Variants in ARHGEF26 observed in about 807,000 individuals in gnomAD.
ARHGEF26 encodes the protein Rho guanine nucleotide exchange factor (GEF) 26.
In ARHGEF26, 59 loss-of-function variants were observed where a neutral mutation model predicts 89.4. The ratio of observed to expected loss-of-function variants is 0.66; its 90% CI spans 0.54 to 0.82. ARHGEF26 has a LOEUF of 0.82. ARHGEF26 is among the 40% of genes least tolerant of loss of function. ARHGEF26 has a pLI of 0.00. For missense variants in ARHGEF26, 1,234 were observed against 1,085.6 expected, an observed-to-expected ratio of 1.14 and a Z score of -1.92; for synonymous variants, 500 against 428.4, an observed-to-expected ratio of 1.17 and a Z score of -2.06.
At chr3:154,222,052 A>G (rs551445961) in intron 10 of ARHGEF26, among the ~76,000 whole-genome samples, 1 of 152,328 alleles carries the variant, frequency 6.6e-6, no homozygotes, top group South Asian at 2.1e-4. Context: ...CTTATTATTA[A>G]CTTCACTTTA....
chr3:154,212,842 A>C (rs1337238035), intron 9 of ARHGEF26, among the ~76,000 whole-genome samples: 3 of 151,784 alleles, frequency 2.0e-5, no homozygotes, highest in African/African-American at 7.3e-5. Flanking sequence ...TGGATTCCTA[A>C]CCAATCCATG....
rs187168939 is a variant in ARHGEF26 at position 154,250,942 on chromosome 3, T to C, written c.2301-2174T>C. Among the ~76,000 whole-genome samples, 505 of 147,236 alleles carry C rather than the reference T, an allele frequency of 3.4e-3. 3 individuals are homozygous for C. Among genetic ancestry groups the C allele is most frequent in the African/African-American group, 9.7e-3 (378 of 38,970 alleles). ...TTGCTTATTTCTTACAGAACTATTGTAAAGCCCTTTGTCCTGTATTAGAGA... is the reference window on the plus strand; with the variant it reads ...TTGCTTATTTCTTACAGAACTATTGCAAAGCCCTTTGTCCTGTATTAGAGA... On this transcript the variant is annotated intron_variant, in intron 12 of 14. Transcript: ENST00000465093.
intron 6 of ARHGEF26, among the ~76,000 whole-genome samples, chr3:154,172,123 T>G (rs1029492379): frequency 6.6e-5 from 10 of 152,216 alleles, no homozygotes; most frequent in African/African-American, 2.4e-4. Flanking sequence ...AAGAAGCAGG[T>G]GCGACCGGCT....
chr3:154,152,769 C>T lies in ARHGEF26; in HGVS notation c.1327-3C>T, dbSNP rs1720097124. ...TAATACATTTCTTTTTCCTTCTTAC[C>T]AGGCTATCTTTGAAGTCATATCCTC... On this transcript the variant is annotated splice_region_variant and splice_polypyrimidine_tract_variant and intron_variant, in intron 5 of 14. Transcript: ENST00000465093. The T allele has an allele frequency of 3.4e-6, 5 of 1,458,062 alleles. No individual in the cohort carries two copies. Among genetic ancestry groups the T allele is most frequent in the African/African-American group, 2.9e-5 (2 of 69,282 alleles). The allele number at this position is 1,458,062 out of a possible 1,614,324, so 90.3% of individuals were successfully genotyped here. A position where few individuals can be genotyped will look rare whatever the true frequency, so the allele number is the denominator to read the frequency against.
intron 11 of ARHGEF26, among the ~76,000 whole-genome samples, chr3:154,238,971 T>G (rs1161819929): frequency 6.6e-6 from 1 of 152,004 alleles, no homozygotes; most frequent in Non-Finnish European, 1.5e-5. Context: ...ACTGGTGAGT[T>G]AAATAATGGT....
At chr3:154,183,124 C>T (rs1379958976) in intron 6 of ARHGEF26, among the ~76,000 whole-genome samples, 1 of 152,164 alleles carries the variant, frequency 6.6e-6, no homozygotes, top group African/African-American at 2.4e-5. Context: ...CCTTGGCAGA[C>T]TACAATCATT....
At chr3:154,135,360 G>T (rs547187455) in intron 4 of ARHGEF26, among the ~76,000 whole-genome samples, 2 of 152,114 alleles carry the variant, frequency 1.3e-5, no homozygotes, top group East Asian at 3.9e-4. Flanking sequence ...TACTTTATGT[G>T]CCTAGAGGTA....
intron 11 of ARHGEF26, among the ~76,000 whole-genome samples, chr3:154,229,802 T>C (rs1716724025): frequency 6.6e-6 from 1 of 152,158 alleles, no homozygotes; most frequent in South Asian, 2.1e-4. Context: ...CTAAACTAGC[T>C]TTGCCTTTGG....
chr3:154,239,371 G>C (rs966881581), intron 11 of ARHGEF26, among the ~76,000 whole-genome samples: 1 of 148,222 alleles, frequency 6.7e-6, no homozygotes, highest in African/African-American at 2.5e-5. Flanking sequence ...GAGAGACAGA[G>C]AGCCAGCAGT....
intron 11 of ARHGEF26, among the ~76,000 whole-genome samples, chr3:154,237,907 G>GAGTAATC (rs1439351316): frequency 2.0e-5 from 3 of 152,168 alleles, no homozygotes; most frequent in African/African-American, 7.2e-5. Flanking sequence ...TGGACCAAAA[G>GAGTAATC]AGTAATCATA....
Position 154,149,373 on chromosome 3 carries a change from T to C in ARHGEF26, c.1270-16T>C. ...TATTAATAAATGAGTCAACTCTACT[T>C]TGCTTTTTCTCCTAGGTGAAAAGAA... On this transcript the variant is annotated splice_polypyrimidine_tract_variant and intron_variant, in intron 4 of 14. Coordinates refer to ENST00000465093, the MANE Select transcript of ARHGEF26 (RefSeq NM_015595.4). The C allele has an allele frequency of 1.3e-6, 2 of 1,594,592 alleles. No individual in the cohort carries two copies. Among genetic ancestry groups the C allele is most frequent in the African/African-American group, 1.3e-5 (1 of 74,778 alleles).
intron 6 of ARHGEF26, among the ~76,000 whole-genome samples, chr3:154,179,992 G>A (rs1365319680): frequency 6.6e-6 from 1 of 152,142 alleles, no homozygotes; most frequent in Non-Finnish European, 1.5e-5. Context: ...CTGTAGGGGA[G>A]AATCCGTTTT....
At chr3:154,215,245 C>T (rs1715645907) in intron 9 of ARHGEF26, among the ~76,000 whole-genome samples, 1 of 152,132 alleles carries the variant, frequency 6.6e-6, no homozygotes, top group Admixed American at 6.6e-5. Context: ...CTCATGGTGT[C>T]CCTTCTCTGT....
chr3:154,212,640 A>G (rs1715449395), intron 9 of ARHGEF26, among the ~76,000 whole-genome samples: 1 of 151,974 alleles, frequency 6.6e-6, no homozygotes, highest in Non-Finnish European at 1.5e-5. Flanking sequence ...TTCGGGATGA[A>G]ACCATTTCAC....
At chr3:154,133,954 A>G (rs1316439399) in intron 4 of ARHGEF26, among the ~76,000 whole-genome samples, 1 of 152,000 alleles carries the variant, frequency 6.6e-6, no homozygotes, top group Non-Finnish European at 1.5e-5. Context: ...TTTTGTGGCA[A>G]TTGTGAATGG....
intron 4 of ARHGEF26, among the ~76,000 whole-genome samples, chr3:154,148,044 T>A (rs1177138284): frequency 6.6e-6 from 1 of 152,084 alleles, no homozygotes; most frequent in Non-Finnish European, 1.5e-5. Context: ...TAATTTGGAG[T>A]TGACTGTGGA....
intron 12 of ARHGEF26, among the ~76,000 whole-genome samples, chr3:154,246,795 G>C (rs1717825528): frequency 6.6e-6 from 1 of 152,182 alleles, no homozygotes; most frequent in South Asian, 2.1e-4. Flanking sequence ...AAAACAACAG[G>C]ACCAACTGAT....
At chr3:154,203,603 A>T (rs563632191) in intron 9 of ARHGEF26, among the ~76,000 whole-genome samples, 1 of 152,114 alleles carries the variant, frequency 6.6e-6, no homozygotes, top group African/African-American at 2.4e-5. Context: ...CATTCAGTTG[A>T]TACTAGCTAT....
intron 6 of ARHGEF26, among the ~76,000 whole-genome samples, chr3:154,186,865 T>C (rs1446243382): frequency 6.7e-6 from 1 of 149,402 alleles, no homozygotes; most frequent in African/African-American, 2.5e-5. Flanking sequence ...AAAAAACATA[T>C]ACTGTTAGAT....
Sources: gnomAD v4.1 joint callset for allele counts (sites outside exome capture counted in the v4.1 genomes callset) on GRCh38, gnomAD v4.1.1 for gene constraint, MANE v1.5 for transcripts, NCBI Gene and HGNC (gene_info 2026-07-23, HGNC 2026-07-21) for gene names.